Variants in TXLNG observed in about 807,000 individuals in gnomAD.
TXLNG encodes the protein gamma-taxilin.
TXLNG carries 5 observed loss-of-function variants against 38.8 expected under a neutral mutation model. That is an observed-to-expected ratio of 0.13 (90% CI 0.07 to 0.27). The LOEUF (loss-of-function observed/expected upper bound fraction) is 0.27. Ranked by LOEUF, TXLNG falls within the 10% of genes least tolerant of loss-of-function variation. TXLNG has a pLI of 1.00. For synonymous variants in TXLNG, 182 were observed against 158.2 expected, an observed-to-expected ratio of 1.15 and a Z score of -1.13; for missense variants, 393 against 398.2, an observed-to-expected ratio of 0.99 and a Z score of 0.11.
At chrX:16,834,484 C>G in intron 7 of TXLNG, 127 bp downstream of exon 7, 1 of 471,301 alleles carries the variant, frequency 2.1e-6, no homozygotes. Flanking sequence ...CTGACCAGGA[C>G]TGAGGCAGAA....
rs2147496897 is a variant in TXLNG at position 16,834,305 on chromosome X, C to T, written c.1007C>T (p.Ser336Leu). ...TAGTTATTAAAAGAAGCGACAGAATCGAGGCACAAATACGAACAAATGAAA... is the reference window on the plus strand; with the variant it reads ...TAGTTATTAAAAGAAGCGACAGAATTGAGGCACAAATACGAACAAATGAAA... The part of the protein sequence containing the change: ...REFLLKEATE[S>L]RHKYEQMKQQ... The change falls in exon 7 of 10, where the codon TCG becomes TTG. Residue 336 changes from serine to leucine, a missense_variant. Coordinates refer to ENST00000380122, the MANE Select transcript of TXLNG (RefSeq NM_018360.3). The T allele has an allele frequency of 8.3e-7, 1 of 1,207,687 alleles. No individual in the cohort carries two copies. The highest frequency in any genetic ancestry group is 1.1e-6 in the Non-Finnish European group (1 of 893,555).
chrX:16,832,520 C>T, intron 5 of TXLNG, 103 bp from the exon 6 acceptor site: 1 of 1,056,532 alleles, frequency 9.5e-7, no homozygotes, highest in Non-Finnish European at 1.3e-6. Flanking sequence ...GTGGTAGTAG[C>T]AGAACAGCAG....
At chrX:16,823,458 CAAAAAAAAAA>C (rs11311011) in intron 3 of TXLNG, among the ~76,000 whole-genome samples, 2 of 24,959 alleles carry the variant, frequency 8.0e-5, no homozygotes, top group Non-Finnish European at 1.4e-4. Flanking sequence ...AACTCTGTCT[CAAAAAAAAAA>C]AAAAAAAAAA....
chrX:16,809,068 T>C (rs1419792426), intron 1 of TXLNG, among the ~76,000 whole-genome samples: 2 of 111,870 alleles, frequency 1.8e-5, no homozygotes, highest in Admixed American at 1.9e-4. Context: ...TATCCATTTA[T>C]CTGTCCCTTC....
At chrX:16,837,081 G>GT (rs1273208936) in intron 7 of TXLNG, among the ~76,000 whole-genome samples, 2 of 111,823 alleles carry the variant, frequency 1.8e-5, no homozygotes, top group Admixed American at 1.9e-4. Flanking sequence ...TTCCTTGAGG[G>GT]TAGGACTATG....
intron 1 of TXLNG, among the ~76,000 whole-genome samples, chrX:16,809,342 G>GT (rs1363656300): frequency 1.7e-5 from 1 of 59,082 alleles, no homozygotes; most frequent in East Asian, 3.7e-4. Context: ...ATATCTTATA[G>GT]TTGTTTTTTT....
intron 3 of TXLNG, among the ~76,000 whole-genome samples, chrX:16,822,467 G>T (rs1206678749): frequency 8.9e-6 from 1 of 111,936 alleles, no homozygotes; most frequent in East Asian, 2.8e-4. Context: ...CTGTGCATCA[G>T]TGAAAATGTC....
At chrX:16,809,613 G>C (rs992939527) in intron 1 of TXLNG, among the ~76,000 whole-genome samples, 5 of 110,428 alleles carry the variant, frequency 4.5e-5, no homozygotes, top group Non-Finnish European at 9.5e-5. Context: ...CAAAGTTCTA[G>C]GATTACAGGT....
At chrX:16,799,935 T>A (rs1928023543) in intron 1 of TXLNG, among the ~76,000 whole-genome samples, 1 of 111,319 alleles carries the variant, frequency 9.0e-6, no homozygotes, top group Non-Finnish European at 1.9e-5. Context: ...TGGGAATAAT[T>A]ATCCATCATC....
chrX:16,842,822 G>A lies in TXLNG; in HGVS notation c.*1056G>A, dbSNP rs2015187229. On this transcript the variant is annotated 3_prime_UTR_variant, in exon 10 of 10. Coordinates refer to ENST00000380122, the MANE Select transcript of TXLNG (RefSeq NM_018360.3). ...CACTGGCACCAACATTTTTACTTTG[G>A]GAAGACTTGGCAGAGTGTTAGTCAT... 3 of 111,669 alleles carry A rather than the reference G, an allele frequency of 2.7e-5. No individual in the cohort carries two copies. The South Asian group carries it at 1.1e-3, about 42-fold the overall frequency. The allele number at this position is 111,669 out of a possible 1,213,427, so 9.2% of individuals were successfully genotyped here.
intron 1 of TXLNG, among the ~76,000 whole-genome samples, chrX:16,789,199 GA>G (rs1927615703): frequency 9.0e-6 from 1 of 111,206 alleles, no homozygotes; most frequent in Non-Finnish European, 1.9e-5. Flanking sequence ...CTGAAGTGAG[GA>G]ACAATTGGAG....
chrX:16,840,769 C>CA (rs745567449), intron 9 of TXLNG, among the ~76,000 whole-genome samples: 43 of 109,369 alleles, frequency 3.9e-4, no homozygotes, highest in South Asian at 3.2e-3. Flanking sequence ...GAGACTGTCT[C>CA]AAAAAAAACA....
rs545324104 is a variant in TXLNG, at chrX:16,787,735, C to A, written c.102+1146C>A. Among the ~76,000 whole-genome samples, 7 of 111,539 alleles carry A rather than the reference C, an allele frequency of 6.3e-5. No homozygotes were observed. The South Asian group carries it at 2.6e-3, about 42-fold the overall frequency. Reference sequence around the variant, plus strand: ...TTCCTTGCAGGTGAACATACTGAAACGTTCGACTTGTTGGATATCTTGCTT... The same window carrying A: ...TTCCTTGCAGGTGAACATACTGAAAAGTTCGACTTGTTGGATATCTTGCTT... On this transcript the variant is annotated intron_variant, in intron 1 of 9. Coordinates refer to ENST00000380122, the MANE Select transcript of TXLNG (RefSeq NM_018360.3).
intron 7 of TXLNG, among the ~76,000 whole-genome samples, chrX:16,836,345 C>G (rs1407288889): frequency 1.1e-4 from 12 of 112,382 alleles, no homozygotes; most frequent in Non-Finnish European, 2.1e-4. Flanking sequence ...ACTCTTGCCC[C>G]AACTCCAGGC....
chrX:16,841,881 TTTC>T lies in TXLNG; in HGVS notation c.*118_*120del. On this transcript the variant is annotated 3_prime_UTR_variant, in exon 10 of 10. Coordinates refer to ENST00000380122, the MANE Select transcript of TXLNG (RefSeq NM_018360.3). The stretch of plus-strand genomic sequence containing the variant: ...CTTACTTTTTCTACCATATCTGTAT[TTTC>T]TTAGAACTACTGGACTTATGTGGTA... 1.2e-6 allele frequency: 1 copy of T among 851,104 alleles called. No homozygotes were observed. 70.1% of individuals were successfully genotyped at this position (851,104 alleles called of 1,213,427 possible). A position where few individuals can be genotyped will look rare whatever the true frequency, so the allele number is the denominator to read the frequency against.
rs780033462 is a variant in TXLNG at position 16,828,244 on chromosome X, C to T, written c.649C>T (p.Arg217Cys). 20 of 1,203,973 alleles carry T rather than the reference C, an allele frequency of 1.7e-5. No individual in the cohort carries two copies. The South Asian group carries it at 2.3e-4, about 14-fold the overall frequency. ...AGAATCTCTTTGCAGAGAACTTCAG[C>T]GTCACAATAAGACGTTAAAGGTTAG... is the stretch of plus-strand genomic sequence containing the variant. ...KLESLCRELQ[R>C]HNKTLKEENM... The change falls in exon 4 of 10, where the codon CGT becomes TGT. Residue 217 changes from arginine (R) to cysteine (C), a missense_variant. By Grantham distance (180) the Arg-to-Cys change is radical. Coordinates refer to ENST00000380122, the MANE Select transcript of TXLNG (RefSeq NM_018360.3).
At chrX:16,839,530 T>G (rs1929715987) in intron 8 of TXLNG, 1 of 165,734 alleles carries the variant, frequency 6.0e-6, no homozygotes, top group African/African-American at 3.0e-5. Flanking sequence ...CAGAGTGTGG[T>G]GGCTGACAGC....
chrX:16,843,996 A>T lies in TXLNG; in HGVS notation c.*2230A>T, dbSNP rs1807664908. 1.8e-5 allele frequency: 2 copies of T among 111,616 alleles called. No homozygotes were observed. The highest frequency in any genetic ancestry group is 6.5e-5 in the African/African-American group (2 of 30,671). The allele number at this position is 111,616 out of a possible 1,213,427, so 9.2% of individuals were successfully genotyped here. The stretch of plus-strand genomic sequence containing the variant: ...GCACCCCGTATCTACCATATTCTAG[A>T]ACACTGTAATGCTACTAGGCTGGCC... On this transcript the variant is annotated 3_prime_UTR_variant, in exon 10 of 10. Transcript: ENST00000380122.
rs1928827126 is a variant in TXLNG at position 16,818,619 on chromosome X, G to A, written c.148G>A (p.Val50Met). 1.7e-6 allele frequency: 2 copies of A among 1,210,081 alleles called. No homozygotes were observed. The highest frequency in any genetic ancestry group is 2.2e-6 in the Non-Finnish European group (2 of 895,189). The change falls in exon 2 of 10, where the codon GTG becomes ATG. Residue 50 changes from valine to methionine, a missense_variant. Val to Met is a conservative substitution (Grantham distance 21). Transcript: ENST00000380122. ...MEEAGICGLGVKADMLCNSQS... is the reference protein window; with the variant it reads ...MEEAGICGLGMKADMLCNSQS... ...AGAAGCTGGAATTTGTGGGCTAGGG[G>A]TGAAAGCAGATATGTTGTGTAACTC...
Sources: gnomAD v4.1 joint callset for allele counts (sites outside exome capture counted in the v4.1 genomes callset) on GRCh38, gnomAD v4.1.1 for gene constraint, MANE v1.5 for transcripts, NCBI Gene and HGNC (gene_info 2026-07-23, HGNC 2026-07-21) for gene names.